The following NTNG1 variants were observed in gnomAD, a reference collection of about 807,000 sequenced individuals.
The protein encoded by NTNG1 is netrin-G1.
In NTNG1, 16 loss-of-function variants were observed where a neutral mutation model predicts 54.0. The observed-to-expected ratio is 0.30, with a 90% confidence interval of 0.20 to 0.45. The LOEUF (loss-of-function observed/expected upper bound fraction) is 0.45, where lower values mean the gene tolerates loss of function less well. Among genes scored for constraint, NTNG1 ranks in the 20% least tolerant of loss-of-function variants. NTNG1 has a pLI of 1.00. For missense variants in NTNG1, 530 were observed against 678.7 expected (o/e 0.78, Z 2.43); for synonymous variants, 255 against 263.1 (o/e 0.97, Z 0.30).
chr1:107,434,150 C>A lies in NTNG1; in HGVS notation c.1256-2515C>A, dbSNP rs115241397. ...GAACACTTTGCCAATTCTTTAACAA[C>A]TGACAATAAAATTCACCACCCTTGC... On this transcript the variant is annotated intron_variant, in intron 6 of 7. Transcript: ENST00000370068. Among the ~76,000 whole-genome samples, 873 of 152,288 alleles carry A rather than the reference C, an allele frequency of 5.7e-3. 12 individuals are homozygous for A. The highest frequency in any genetic ancestry group is 0.02 in the African/African-American group (834 of 41,562).
At chr1:107,245,104 C>T (rs1160944438) in intron 2 of NTNG1, among the ~76,000 whole-genome samples, 3 of 152,258 alleles carry the variant, frequency 2.0e-5, no homozygotes, top group South Asian at 4.1e-4. Context: ...ATCTATAGAG[C>T]TCAATAATGA....
At chr1:107,462,982 C>G (rs1677372015) in intron 7 of NTNG1, among the ~76,000 whole-genome samples, 2 of 152,218 alleles carry the variant, frequency 1.3e-5, no homozygotes, top group African/African-American at 2.4e-5. Flanking sequence ...CTTGCAATTT[C>G]TCCCATACAG....
intron 3 of NTNG1, among the ~76,000 whole-genome samples, chr1:107,358,530 G>T (rs1557930199): frequency 6.6e-6 from 1 of 151,934 alleles, no homozygotes; most frequent in Non-Finnish European, 1.5e-5. Context: ...CTAGCCCACT[G>T]AAAATCTGGT....
intron 2 of NTNG1, among the ~76,000 whole-genome samples, chr1:107,269,623 T>C (rs1348385302): frequency 6.6e-6 from 1 of 152,222 alleles, no homozygotes; most frequent in African/African-American, 2.4e-5. Context: ...AAACATTTGT[T>C]AATTGAATAA....
chr1:107,350,683 C>T (rs1255910412), intron 3 of NTNG1, among the ~76,000 whole-genome samples: 2 of 152,126 alleles, frequency 1.3e-5, no homozygotes, highest in Non-Finnish European at 2.9e-5. Context: ...AAAATTCTGT[C>T]ATTTGTGACA....
intron 2 of NTNG1, among the ~76,000 whole-genome samples, chr1:107,165,743 T>C (rs985973818): frequency 5.9e-5 from 9 of 152,222 alleles, no homozygotes; most frequent in African/African-American, 2.2e-4. Flanking sequence ...TTAATTATTG[T>C]CCGTCAATAA....
At chr1:107,195,090 A>G (rs1421898331) in intron 2 of NTNG1, among the ~76,000 whole-genome samples, 1 of 152,006 alleles carries the variant, frequency 6.6e-6, no homozygotes. Flanking sequence ...AACAATGAAA[A>G]TGTAATGAAA....
intron 2 of NTNG1, among the ~76,000 whole-genome samples, chr1:107,244,879 T>C (rs766360011): frequency 6.6e-6 from 1 of 152,218 alleles, no homozygotes; most frequent in Admixed American, 6.5e-5. Context: ...ATAGAACTAG[T>C]GTGCAATTCA....
chr1:107,480,590 A>AAACAAAC, intron 7 of NTNG1, 21 bp from the exon 8 acceptor site: 3 of 352,596 alleles, frequency 8.5e-6, no homozygotes, highest in Non-Finnish European at 9.2e-6. Context: ...ACCCACCCCT[A>AAACAAAC]CCTTCCCCCT....
At chr1:107,329,187 G>A (rs78366710) in intron 3 of NTNG1, among the ~76,000 whole-genome samples, 3,352 of 152,080 alleles carry the variant, frequency 0.022, 91 homozygotes, top group African/African-American at 0.068. Context: ...GTTTCACTTC[G>A]ACAAAACTTT....
chr1:107,255,124 A>G (rs1401641350), intron 2 of NTNG1, among the ~76,000 whole-genome samples: 2 of 152,236 alleles, frequency 1.3e-5, no homozygotes, highest in Non-Finnish European at 2.9e-5. Context: ...AGCAAATGAG[A>G]AGGAAATAAC....
chr1:107,222,668 T>C (rs925197171), intron 2 of NTNG1, among the ~76,000 whole-genome samples: 2 of 152,024 alleles, frequency 1.3e-5, no homozygotes, highest in African/African-American at 4.8e-5. Flanking sequence ...ATGATGAAGA[T>C]GTAGATGTGA....
At chr1:107,308,625 G>GGCTATTTA (rs1225652112) in intron 2 of NTNG1, among the ~76,000 whole-genome samples, 1 of 151,966 alleles carries the variant, frequency 6.6e-6, no homozygotes, top group Admixed American at 6.6e-5. Context: ...GGTTTGCTTT[G>GGCTATTTA]GCTATTTAGG....
At chr1:107,381,146 G>A (rs1671621976) in intron 3 of NTNG1, among the ~76,000 whole-genome samples, 1 of 151,922 alleles carries the variant, frequency 6.6e-6, no homozygotes, top group East Asian at 1.9e-4. Flanking sequence ...TGGTGTTGAT[G>A]GTGGCACTTG....
chr1:107,156,431 A>G (rs1274772062), intron 2 of NTNG1, among the ~76,000 whole-genome samples: 1 of 152,228 alleles, frequency 6.6e-6, no homozygotes, highest in Non-Finnish European at 1.5e-5. Flanking sequence ...ATATATGTTC[A>G]ACACAGCATT....
chr1:107,181,104 T>C lies in NTNG1; in HGVS notation c.246+32265T>C, dbSNP rs565132839. Among the ~76,000 whole-genome samples the C allele has an allele frequency of 9.9e-5, 15 of 152,280 alleles. No individual in the cohort carries two copies. The South Asian group carries it at 1.2e-3, about 13-fold the overall frequency. ...TGGTGAAAAATAGAGTCAATCACAC[T>C]TGCACAAGATTAGCTGAGCACTCCA... On this transcript the variant is annotated intron_variant, in intron 2 of 7. Coordinates refer to ENST00000370068, the MANE Select transcript of NTNG1 (RefSeq NM_001113226.3).
chr1:107,474,489 G>C (rs918498095), intron 7 of NTNG1, among the ~76,000 whole-genome samples: 2 of 152,214 alleles, frequency 1.3e-5, no homozygotes, highest in African/African-American at 2.4e-5. Context: ...CTGGAAACTT[G>C]TGTTGAGAAG....
At chr1:107,141,658 C>T (rs572339525) in intron 1 of NTNG1, among the ~76,000 whole-genome samples, 1 of 152,214 alleles carries the variant, frequency 6.6e-6, no homozygotes, top group East Asian at 1.9e-4. Flanking sequence ...GCACACACAG[C>T]GGCACACGCT....
intron 3 of NTNG1, among the ~76,000 whole-genome samples, chr1:107,341,799 A>T (rs186315459): frequency 2.6e-5 from 4 of 152,188 alleles, no homozygotes; most frequent in Admixed American, 6.5e-5. Context: ...TAACTAATGA[A>T]TTTTTAGTTC....
Sources: gnomAD v4.1 joint callset for allele counts (sites outside exome capture counted in the v4.1 genomes callset) on GRCh38, gnomAD v4.1.1 for gene constraint, MANE v1.5 for transcripts, NCBI Gene and HGNC (gene_info 2026-07-23, HGNC 2026-07-21) for gene names.